Variants in BMX observed in about 807,000 individuals in gnomAD.
BMX encodes BMX non-receptor tyrosine kinase.
A neutral mutation model predicts 59.2 loss-of-function variants in BMX; 31 were observed. The ratio of observed to expected loss-of-function variants is 0.52; its 90% confidence interval spans 0.39 to 0.71. The LOEUF (loss-of-function observed/expected upper bound fraction) is 0.71. Among genes scored for constraint, BMX ranks in the 30% least tolerant of loss-of-function variants. The probability of loss-of-function intolerance (pLI) is 0.00; values close to 1 mark genes in which losing one functional copy is unlikely to be tolerated. For missense variants in BMX, 474 were observed against 491.7 expected (o/e 0.96, Z 0.34); for synonymous variants, 185 against 181.0 (o/e 1.02, Z -0.18).
chrX:15,525,325 AAAGAAAG>A lies in BMX; in HGVS notation c.793_799del (p.Glu265MetfsTer2), dbSNP rs1259210286. ...TGAAGATGTTGCAAGCAGTAACCAA[AAAGAAAG>A]AAATGTGAATCACACCACCTCAAAG... is the stretch of plus-strand genomic sequence containing the variant. On this transcript the variant is annotated frameshift_variant, in exon 8 of 19. Transcript: ENST00000348343. LOFTEE classifies it high-confidence loss of function. 4.1e-6 allele frequency: 5 copies of A among 1,209,211 alleles called. No individual in the cohort carries two copies. Among genetic ancestry groups the A allele is most frequent in the Non-Finnish European group, 4.5e-6 (4 of 894,434 alleles).
chrX:15,501,648 G>A (rs1274209215), intron 1 of BMX, among the ~76,000 whole-genome samples: 2 of 111,922 alleles, frequency 1.8e-5, no homozygotes, highest in East Asian at 2.8e-4. Flanking sequence ...TTGGCTGCGC[G>A]AGGTCTCGGG....
chrX:15,509,285 T>C (rs372431267), intron 2 of BMX, 44 bp from the exon 3 acceptor site: 50 of 981,186 alleles, frequency 5.1e-5, no homozygotes, highest in Non-Finnish European at 6.5e-5. Flanking sequence ...TTGTGCACCA[T>C]GATGTATTGC....
At chrX:15,530,620 G>A (rs940961715) in intron 10 of BMX, among the ~76,000 whole-genome samples, 1 of 112,097 alleles carries the variant, frequency 8.9e-6, no homozygotes, top group Non-Finnish European at 1.9e-5. Flanking sequence ...ATGAATAAGA[G>A]AGATGATTTA....
intron 14 of BMX, among the ~76,000 whole-genome samples, chrX:15,539,572 G>C (rs1925552839): frequency 9.0e-6 from 1 of 111,709 alleles, no homozygotes; most frequent in East Asian, 2.8e-4. Flanking sequence ...TCATCAACTT[G>C]AGTGACATGA....
chrX:15,541,030 A>G (rs1430590315), intron 14 of BMX, among the ~76,000 whole-genome samples: 1 of 73,315 alleles, frequency 1.4e-5, no homozygotes, highest in African/African-American at 5.9e-5. Context: ...TAACCTATGC[A>G]TCTCACAAAT....
chrX:15,527,269 TATATATATATATATAC>T (rs1312016661), intron 9 of BMX, among the ~76,000 whole-genome samples: 126 of 33,501 alleles, frequency 3.8e-3, no homozygotes, highest in African/African-American at 0.013. Context: ...TATATATATA[TATATATATATATATAC>T]ACACACACAC....
Position 15,531,316 on chromosome X carries a change from C to T in BMX, c.940-12C>T. On this transcript the variant is annotated splice_polypyrimidine_tract_variant and intron_variant, in intron 10 of 18. Coordinates refer to ENST00000348343, the MANE Select transcript of BMX (RefSeq NM_203281.3). ...TATTTTCTATTCCTTCTATATTTTC[C>T]TTCCTTTTCAGGGAAAAGAAGGAGC... 2.5e-6 allele frequency: 3 copies of T among 1,184,145 alleles called. No individual in the cohort carries two copies. The highest frequency in any genetic ancestry group is 3.4e-6 in the Non-Finnish European group (3 of 873,117).
rs1208140000 is a variant in BMX at position 15,530,171 on chromosome X, C to T, written c.939+144C>T. 8 of 520,077 alleles carry T rather than the reference C, an allele frequency of 1.5e-5. No individual in the cohort carries two copies. The South Asian group carries it at 2.0e-4, about 13-fold the overall frequency. 42.9% of individuals were successfully genotyped at this position (520,077 alleles called of 1,213,427 possible). A position where few individuals can be genotyped will look rare whatever the true frequency, so the allele number is the denominator to read the frequency against. On this transcript the variant is annotated intron_variant, in intron 10 of 18. Transcript: ENST00000348343. ...TTGCTTGTCCAGTCTGTGGGTTGCC[C>T]GACTCTTCATGTCTAGCCACTACTT...
chrX:15,528,671 C>A (rs111729185), intron 9 of BMX, among the ~76,000 whole-genome samples: 1,859 of 108,869 alleles, frequency 0.017, 42 homozygotes, highest in African/African-American at 0.057. Context: ...ACAAAACAAA[C>A]AAAAAAAAAC....
chrX:15,505,061 C>A (rs957000823), intron 1 of BMX, among the ~76,000 whole-genome samples: 6 of 111,992 alleles, frequency 5.4e-5, no homozygotes, highest in African/African-American at 2.0e-4. Flanking sequence ...AACAGTAAGC[C>A]CTGTTTATTT....
intron 1 of BMX, among the ~76,000 whole-genome samples, chrX:15,501,638 T>C (rs777304860): frequency 8.9e-6 from 1 of 111,880 alleles, no homozygotes; most frequent in Non-Finnish European, 1.9e-5. Flanking sequence ...AAATGAAGAT[T>C]TGGCTGCGCG....
intron 18 of BMX, among the ~76,000 whole-genome samples, chrX:15,554,463 A>G (rs1319246115): frequency 2.7e-5 from 3 of 111,348 alleles, no homozygotes; most frequent in African/African-American, 9.8e-5. Flanking sequence ...ATCTCTTTAC[A>G]AATTAGGGAG....
rs233571 is a variant in BMX, at chrX:15,550,330, A to C, written c.1953+333A>C. On this transcript the variant is annotated intron_variant, in intron 18 of 18. Transcript: ENST00000348343. ...AAGGTTAAGTGACTTGTCCAAGGTC[A>C]CATAGCTAGTAAGAAGTAGACTAGC... is the stretch of plus-strand genomic sequence containing the variant. Among the ~76,000 whole-genome samples, 741 of 111,407 alleles carry C rather than the reference A, an allele frequency of 6.7e-3. 4 individuals are homozygous for C. The highest frequency in any genetic ancestry group is 9.6e-3 in the South Asian group (25 of 2,593).
chrX:15,518,274 G>A (rs1924262495), intron 6 of BMX, among the ~76,000 whole-genome samples: 1 of 110,063 alleles, frequency 9.1e-6, no homozygotes, highest in African/African-American at 3.3e-5. Flanking sequence ...ATGGGTGCAT[G>A]CGGGAGATGT....
At chrX:15,545,191 G>A (rs1300456638) in intron 16 of BMX, among the ~76,000 whole-genome samples, 1 of 112,266 alleles carries the variant, frequency 8.9e-6, no homozygotes, top group East Asian at 2.8e-4. Flanking sequence ...CAAAGGAAAG[G>A]ATTCATCTGA....
chrX:15,536,966 C>G (rs975724921), intron 13 of BMX, among the ~76,000 whole-genome samples, 168 bp from the exon 14 acceptor site: 1 of 110,187 alleles, frequency 9.1e-6, no homozygotes, highest in Non-Finnish European at 1.9e-5. Flanking sequence ...CACGTAGCCA[C>G]AAGACCACAT....
At chrX:15,550,058 A>G in intron 18 of BMX, 61 bp downstream of exon 18, 1 of 1,138,980 alleles carries the variant, frequency 8.8e-7, no homozygotes, top group South Asian at 2.2e-5. Context: ...TGATTACTGC[A>G]TCACCACTGG....
intron 16 of BMX, among the ~76,000 whole-genome samples, chrX:15,546,235 C>T (rs752734887): frequency 2.0e-4 from 22 of 111,733 alleles, no homozygotes; most frequent in Non-Finnish European, 4.0e-4. Context: ...TATTTTTGTT[C>T]ATCATTATTC....
chrX:15,540,687 T>C (rs1925626491), intron 14 of BMX, among the ~76,000 whole-genome samples: 1 of 111,420 alleles, frequency 9.0e-6, no homozygotes, highest in South Asian at 3.7e-4. Flanking sequence ...TAATTCATAT[T>C]ATGGACAAAA....
Sources: allele counts gnomAD v4.1 joint callset (sites outside exome capture counted in the v4.1 genomes callset), GRCh38; gene constraint gnomAD v4.1.1; transcripts MANE v1.5; gene names NCBI Gene and HGNC (gene_info 2026-07-23, HGNC 2026-07-21).